The following TENM4 variants were observed in gnomAD, a reference collection of about 807,000 sequenced individuals.
The protein encoded by TENM4 is teneurin-4.
A neutral mutation model predicts 243.3 loss-of-function variants in TENM4; 82 were observed. The ratio of observed to expected loss-of-function variants is 0.34; its 90% CI spans 0.28 to 0.40. The LOEUF is 0.40. TENM4 is among the 10% of genes least tolerant of loss of function. The pLI is 1.00. For synonymous variants in TENM4, 1,412 were observed against 1,456.3 expected (o/e 0.97, Z 0.69); for missense variants, 3,138 against 3,673.3 (o/e 0.85, Z 3.77).
chr11:78,983,998 GA>G (rs1298411217), intron 6 of TENM4, among the ~76,000 whole-genome samples: 2 of 152,194 alleles, frequency 1.3e-5, no homozygotes, highest in African/African-American at 4.8e-5. Flanking sequence ...ATGTGGAGAG[GA>G]TTCCAGGAGT....
intron 1 of TENM4, among the ~76,000 whole-genome samples, chr11:79,302,131 A>G (rs1026048708): frequency 6.6e-6 from 1 of 152,184 alleles, no homozygotes; most frequent in African/African-American, 2.4e-5. Flanking sequence ...TTAAAAATAT[A>G]TATTAAAAAT....
intron 2 of TENM4, among the ~76,000 whole-genome samples, chr11:79,250,863 A>G (rs1855598394): frequency 6.6e-6 from 1 of 152,192 alleles, no homozygotes; most frequent in African/African-American, 2.4e-5. Flanking sequence ...ACAAACATGC[A>G]TTTCTTTGGG....
rs201052245 is a variant in TENM4, at chr11:79,414,665, C to CA, written c.-321+25843dup. 7.9e-3 allele frequency among the ~76,000 whole-genome samples: 1,199 copies of CA among 151,312 alleles called. 17 individuals carry two copies. The highest frequency in any genetic ancestry group is 0.027 in the African/African-American group (1,107 of 41,264). On this transcript the variant is annotated intron_variant, in intron 1 of 33. Coordinates refer to ENST00000278550, the MANE Select transcript of TENM4 (RefSeq NM_001098816.3). Reference sequence around the variant, plus strand: ...TGAGCCCTATATGTTATGGCAGAAGCAAAAAAAACACAACTTGCTTTTTCA... The same window carrying CA: ...TGAGCCCTATATGTTATGGCAGAAGCAAAAAAAAACACAACTTGCTTTTTCA...
chr11:79,161,553 A>T (rs1006296628), intron 3 of TENM4, among the ~76,000 whole-genome samples: 7 of 152,116 alleles, frequency 4.6e-5, no homozygotes, highest in African/African-American at 1.7e-4. Flanking sequence ...GACTGCAGTG[A>T]TGTGTGTCCC....
chr11:78,726,324 GA>G, intron 22 of TENM4, 102 bp from the exon 23 acceptor site: 1 of 1,366,050 alleles, frequency 7.3e-7, no homozygotes, highest in Middle Eastern at 1.9e-4. Flanking sequence ...TGTAGAAGAG[GA>G]AAAAAGGGTC....
rs1856637337 is a variant in TENM4 at position 78,771,087 on chromosome 11, T to A, written c.2444A>T (p.Asn815Ile). 1.9e-6 allele frequency: 3 copies of A among 1,575,790 alleles called. No individual in the cohort carries two copies. The East Asian group carries it at 7.0e-5, about 37-fold the overall frequency. ...CAGCTGGCAGACGCAGTGCCAACCA[T>A]TCAGGTCTAAGGTACATCTGCCGTT... is the stretch of plus-strand genomic sequence containing the variant. Reference protein sequence around the residue: ...NGNGRCTLDLNGWHCVCQLGW... With the variant: ...NGNGRCTLDLIGWHCVCQLGW... The change falls in exon 18 of 34, where the codon AAT becomes ATT. Residue 815 changes from asparagine (N) to isoleucine (I), a missense_variant. Around this residue, in one of 2 missense-constraint regions of TENM4, gnomAD observed 2,467 missense variants for 3,059.1 expected, o/e 0.81. Transcript: ENST00000278550.
rs1857606596 is a variant in TENM4, at chr11:78,974,404, G to A, written c.494-70881C>T. The stretch of plus-strand genomic sequence containing the variant: ...GATAAAGAAACTGAGGCTAGGAGAG[G>A]TGATATGACTTGTGCAGGGACACAC... On this transcript the variant is annotated intron_variant, in intron 6 of 33. Transcript: ENST00000278550. 3.3e-5 allele frequency among the ~76,000 whole-genome samples: 5 copies of A among 152,310 alleles called. No homozygotes were observed. In the South Asian group the frequency reaches 1.0e-3, roughly 32 times the overall value.
At chr11:78,674,669 G>A (rs183337643) in intron 30 of TENM4, among the ~76,000 whole-genome samples, 2,614 of 143,408 alleles carry the variant, frequency 0.018, 68 homozygotes, top group Admixed American at 0.054. Flanking sequence ...GAATTCAGAC[G>A]GGGGAGCTCA....
chr11:79,031,870 C>T (rs924546793), intron 6 of TENM4, among the ~76,000 whole-genome samples: 4 of 152,142 alleles, frequency 2.6e-5, no homozygotes, highest in African/African-American at 9.7e-5. Flanking sequence ...TTTGGACTGC[C>T]ACAACTTGGG....
At chr11:79,228,335 AT>A (rs1398624710) in intron 2 of TENM4, among the ~76,000 whole-genome samples, 2 of 152,274 alleles carry the variant, frequency 1.3e-5, no homozygotes, top group Admixed American at 1.3e-4. Flanking sequence ...GTGGCCTTTT[AT>A]TGACTGACCC....
At chr11:78,830,782 C>CG (rs1436186173) in intron 12 of TENM4, among the ~76,000 whole-genome samples, 5 of 152,154 alleles carry the variant, frequency 3.3e-5, no homozygotes, top group Admixed American at 2.0e-4. Flanking sequence ...AGAGAGACTC[C>CG]GGGCAGGAAT....
At chr11:79,294,999 G>C (rs1197064216) in intron 2 of TENM4, among the ~76,000 whole-genome samples, 3 of 152,264 alleles carry the variant, frequency 2.0e-5, no homozygotes, top group Non-Finnish European at 2.9e-5. Context: ...TCATCCCTGT[G>C]CTGCTACTGT....
chr11:78,776,132 G>A (rs1237211981), intron 17 of TENM4, among the ~76,000 whole-genome samples: 1 of 151,932 alleles, frequency 6.6e-6, no homozygotes, highest in African/African-American at 2.4e-5. Flanking sequence ...TCTGCTAATC[G>A]GTCTTCTTGT....
chr11:79,192,115 G>A (rs1298480518), intron 3 of TENM4, among the ~76,000 whole-genome samples: 12 of 146,888 alleles, frequency 8.2e-5, no homozygotes, highest in Non-Finnish European at 1.5e-4. Flanking sequence ...CCCCCCGCCC[G>A]GCCAGCCGCC....
chr11:79,075,962 G>A (rs182349967), intron 4 of TENM4, among the ~76,000 whole-genome samples: 4 of 152,348 alleles, frequency 2.6e-5, no homozygotes, highest in Admixed American at 2.6e-4. Context: ...TCTCTCTGGG[G>A]TGTCAGCCCT....
chr11:79,161,403 T>C (rs1050390427), intron 3 of TENM4, among the ~76,000 whole-genome samples: 7 of 152,178 alleles, frequency 4.6e-5, no homozygotes, highest in African/African-American at 1.4e-4. Context: ...TTTGGAAACA[T>C]GGTTTTGCAG....
intron 6 of TENM4, among the ~76,000 whole-genome samples, chr11:78,992,221 C>G (rs1858063597): frequency 1.3e-5 from 2 of 152,190 alleles, no homozygotes; most frequent in African/African-American, 4.8e-5. Flanking sequence ...TCCCACTGAC[C>G]TTGGCTTCTC....
intron 4 of TENM4, among the ~76,000 whole-genome samples, chr11:79,138,329 ATT>A (rs1565219191): frequency 1.9e-5 from 2 of 106,426 alleles, no homozygotes; most frequent in South Asian, 2.6e-4. Flanking sequence ...ATATATATAT[ATT>A]ATATATATAA....
At position 78,812,240 on chromosome 11, in the gene TENM4, G is replaced by C. The variant is rs781190627; in HGVS notation, c.1860C>G (p.Gly620=). Residue 620 remains glycine, a synonymous_variant, in exon 14 of 34, where the codon GGC becomes GGG. Coordinates refer to ENST00000278550, the MANE Select transcript of TENM4 (RefSeq NM_001098816.3). ...GRCLCHSGWK[G]AECDVPTNQC... ...GGTTGGTGGGCACATCGCACTCAGC[G>C]CCTTTCCAGCCACTGTGGCACAAGC... 19 of 1,551,940 alleles carry C rather than the reference G, an allele frequency of 1.2e-5. No homozygotes were observed. In the South Asian group the frequency reaches 2.0e-4, roughly 17 times the overall value.
Sources: gnomAD v4.1 joint callset for allele counts (sites outside exome capture counted in the v4.1 genomes callset) on GRCh38, gnomAD v4.1.1 for gene constraint, gnomAD v4.1.1 regional missense constraint, MANE v1.5 for transcripts, NCBI Gene and HGNC (gene_info 2026-07-23, HGNC 2026-07-21) for gene names.